Variants in FAM13C observed in about 807,000 individuals in gnomAD.
FAM13C encodes family with sequence similarity 13 member C.
In FAM13C, 37 loss-of-function variants were observed where a neutral mutation model predicts 73.2. The observed-to-expected ratio is 0.51, with a 90% CI of 0.39 to 0.67. FAM13C has a LOEUF of 0.67. Among genes scored for constraint, FAM13C ranks in the 30% least tolerant of loss-of-function variants. The pLI is 0.00. For synonymous variants in FAM13C, 246 were observed against 260.9 expected (o/e 0.94, Z 0.55); for missense variants, 589 against 715.6 (o/e 0.82, Z 2.02).
chr10:59,271,150 A>T (rs1320825660), intron 6 of FAM13C, among the ~76,000 whole-genome samples: 1 of 152,230 alleles, frequency 6.6e-6, no homozygotes, highest in African/African-American at 2.4e-5. Context: ...CAGACAAGTC[A>T]GGACCAGCCA....
chr10:59,279,083 A>G (rs1844642629), intron 6 of FAM13C, among the ~76,000 whole-genome samples: 1 of 152,232 alleles, frequency 6.6e-6, no homozygotes, highest in Non-Finnish European at 1.5e-5. Context: ...AACATATTTC[A>G]TGTCACCCCT....
intron 3 of FAM13C, among the ~76,000 whole-genome samples, chr10:59,329,358 T>G (rs1344388064): frequency 4.5e-5 from 2 of 44,454 alleles, no homozygotes; most frequent in Non-Finnish European, 8.5e-5. Context: ...TTTTTTTTTT[T>G]TTTTTTTTTT....
At chr10:59,344,372 A>G (rs1201560395) in intron 3 of FAM13C, among the ~76,000 whole-genome samples, 6 of 130,356 alleles carry the variant, frequency 4.6e-5, no homozygotes, top group East Asian at 2.3e-4. Flanking sequence ...TCCGCCCCCC[A>G]GGTTCACGCC....
chr10:59,268,433 C>A, intron 8 of FAM13C, 120 bp downstream of exon 8: 1 of 1,312,862 alleles, frequency 7.6e-7, no homozygotes, highest in Non-Finnish European at 1.1e-6. Flanking sequence ...TCCAGGTTGG[C>A]CCATGGGAAC....
intron 4 of FAM13C, among the ~76,000 whole-genome samples, chr10:59,309,165 C>A (rs1848641272): frequency 6.6e-6 from 1 of 152,096 alleles, no homozygotes; most frequent in Non-Finnish European, 1.5e-5. Flanking sequence ...GCCCAATAAC[C>A]AAGTTATTAA....
intron 9 of FAM13C, 136 bp from the exon 10 acceptor site, chr10:59,262,781 G>A (rs146006694): frequency 4.1e-4 from 284 of 700,372 alleles, no homozygotes; most frequent in Non-Finnish European, 6.0e-4. Context: ...ACAGGGCAAC[G>A]GCAACCCTTA....
chr10:59,321,865 G>C (rs1850350437), intron 4 of FAM13C, among the ~76,000 whole-genome samples: 1 of 152,122 alleles, frequency 6.6e-6, no homozygotes, highest in African/African-American at 2.4e-5. Flanking sequence ...TCTTGCTACA[G>C]AGAGATCTTT....
At chr10:59,292,305 T>C (rs946098985) in intron 5 of FAM13C, among the ~76,000 whole-genome samples, 13 of 152,284 alleles carry the variant, frequency 8.5e-5, no homozygotes, top group African/African-American at 2.7e-4. Context: ...TCCCAAGGGC[T>C]GAACTCCAAA....
chr10:59,361,127 T>C, intron 1 of FAM13C: 1 of 1,286,528 alleles, frequency 7.8e-7, no homozygotes, highest in Non-Finnish European at 1.0e-6. Flanking sequence ...AAAAGCAACA[T>C]TGCAGCACAG....
At chr10:59,362,570 C>T (rs1278585992), upstream of FAM13C, 4 of 1,546,118 alleles carry the variant, frequency 2.6e-6, no homozygotes, top group African/African-American at 2.7e-5. Context: ...GGCACGCTCG[C>T]TCTACCTTGG....
At chr10:59,249,389 G>A (rs7895153) in intron 13 of FAM13C, among the ~76,000 whole-genome samples, 2,937 of 124,412 alleles carry the variant, frequency 0.024, 112 homozygotes, top group African/African-American at 0.08. Flanking sequence ...AGGTGACAGA[G>A]TGAGACTCCG....
intron 4 of FAM13C, among the ~76,000 whole-genome samples, chr10:59,314,398 G>A (rs1849286475): frequency 6.6e-6 from 1 of 152,166 alleles, no homozygotes; most frequent in African/African-American, 2.4e-5. Context: ...TCACACATCT[G>A]AAGAAATCAA....
intron 10 of FAM13C, among the ~76,000 whole-genome samples, chr10:59,255,854 T>A (rs1445217564): frequency 1.3e-5 from 2 of 152,324 alleles, no homozygotes; most frequent in Non-Finnish European, 2.9e-5. Flanking sequence ...GTTTCAGTAT[T>A]GTCTGCCCAA....
chr10:59,327,157 A>G (rs1372805238), intron 3 of FAM13C, among the ~76,000 whole-genome samples: 1 of 152,114 alleles, frequency 6.6e-6, no homozygotes, highest in Non-Finnish European at 1.5e-5. Flanking sequence ...TCCCGACCCA[A>G]GTACCTTACA....
intron 4 of FAM13C, among the ~76,000 whole-genome samples, chr10:59,317,510 T>A (rs1849686525): frequency 6.6e-6 from 1 of 152,172 alleles, no homozygotes; most frequent in Non-Finnish European, 1.5e-5. Context: ...TTGCAAAACA[T>A]GTTTCTTATA....
chr10:59,250,963 T>G (rs1362190420), intron 13 of FAM13C, among the ~76,000 whole-genome samples: 1 of 152,148 alleles, frequency 6.6e-6, no homozygotes, highest in Non-Finnish European at 1.5e-5. Flanking sequence ...ATCTCTTGAT[T>G]ATATATGTAA....
chr10:59,301,032 A>G (rs16913368), intron 5 of FAM13C: 29,729 of 152,258 alleles, frequency 0.2, 3,015 homozygotes, highest in East Asian at 0.28. Flanking sequence ...TGGTTCTTCC[A>G]TAAAAGAGTT....
At chr10:59,260,631 C>T (rs1006085598) in intron 10 of FAM13C, among the ~76,000 whole-genome samples, 1 of 152,152 alleles carries the variant, frequency 6.6e-6, no homozygotes, top group African/African-American at 2.4e-5. Context: ...TACTTATCAA[C>T]ATTTTTAATG....
chr10:59,262,726 C>T (rs930378783), intron 9 of FAM13C, 81 bp from the exon 10 acceptor site: 4 of 1,183,164 alleles, frequency 3.4e-6, no homozygotes, highest in Non-Finnish European at 4.9e-6. Flanking sequence ...GAATTCCTTC[C>T]CCTGATGCCA....
Sources: gnomAD v4.1 joint callset for allele counts (sites outside exome capture counted in the v4.1 genomes callset) on GRCh38, gnomAD v4.1.1 for gene constraint, MANE v1.5 for transcripts, NCBI Gene and HGNC (gene_info 2026-07-23, HGNC 2026-07-21) for gene names.